Variants in BBX observed in about 807,000 individuals in gnomAD.
The protein encoded by BBX is BBX high mobility group box domain containing, also known as HMG box transcription factor BBX.
BBX carries 30 observed loss-of-function variants against 100.2 expected under a neutral mutation model. The ratio of observed to expected loss-of-function variants is 0.30; its 90% CI spans 0.22 to 0.41. The LOEUF is 0.41. Ranked by LOEUF, BBX falls within the 10% of genes least tolerant of loss-of-function variation. The pLI is 1.00. For missense variants in BBX, 1,023 were observed against 1,129.8 expected (o/e 0.91, Z 1.35); for synonymous variants, 376 against 388.1 (o/e 0.97, Z 0.37).
At position 107,532,459 on chromosome 3, in the gene BBX, C is replaced by A. The variant is rs1307796528; in HGVS notation, c.-84+6061C>A. Reference sequence around the variant, plus strand: ...TTTAATTGTTCTAATTGGGGTGTTCCTCATAAACAAAACCCATCCTTGTGT... The same window carrying A: ...TTTAATTGTTCTAATTGGGGTGTTCATCATAAACAAAACCCATCCTTGTGT... On this transcript the variant is annotated intron_variant, in intron 2 of 17. Coordinates refer to ENST00000325805, the MANE Select transcript of BBX (RefSeq NM_001142568.3). Among the ~76,000 whole-genome samples the A allele has an allele frequency of 2.0e-5, 3 of 152,168 alleles. No homozygotes were observed. The East Asian group carries it at 5.8e-4, about 29-fold the overall frequency.
chr3:107,605,752 C>T (rs951140569), intron 2 of BBX, among the ~76,000 whole-genome samples: 15 of 152,134 alleles, frequency 9.9e-5, no homozygotes, highest in Admixed American at 9.2e-4. Context: ...AATGGAAGCA[C>T]AGGAAGTGAA....
intron 3 of BBX, among the ~76,000 whole-genome samples, chr3:107,690,989 T>A (rs1461114686): frequency 1.5e-5 from 2 of 135,144 alleles, no homozygotes; most frequent in East Asian, 4.9e-4. Flanking sequence ...ACCCTCTACC[T>A]CCTGGCTCCA....
chr3:107,577,781 G>A (rs28513882), intron 2 of BBX, among the ~76,000 whole-genome samples: 20,305 of 152,156 alleles, frequency 0.13, 1,594 homozygotes, highest in Middle Eastern at 0.2. Context: ...TGAACAAAGG[G>A]TAGATAAGTA....
intron 2 of BBX, among the ~76,000 whole-genome samples, chr3:107,610,628 T>G (rs957159730): frequency 4.6e-5 from 7 of 152,124 alleles, no homozygotes; most frequent in African/African-American, 1.7e-4. Context: ...AGTTTTGGTC[T>G]TGAATACTAT....
rs771979020 is a variant in BBX, at chr3:107,810,044, C to G, written c.*4587C>G. The G allele has an allele frequency of 7.2e-5, 11 of 152,056 alleles. No individual in the cohort carries two copies. The highest frequency in any genetic ancestry group is 1.6e-4 in the Non-Finnish European group (11 of 68,010). 9.4% of individuals were successfully genotyped at this position (152,056 alleles called of 1,614,324 possible). ...AAGTGATAGCTAAGTTTATTATACT[C>G]TATATTAAACAACTTTGTTCATTTC... On this transcript the variant is annotated 3_prime_UTR_variant, in exon 18 of 18. Coordinates refer to ENST00000325805, the MANE Select transcript of BBX (RefSeq NM_001142568.3).
intron 3 of BBX, among the ~76,000 whole-genome samples, chr3:107,694,145 G>A (rs1411677472): frequency 7.6e-5 from 9 of 117,952 alleles, no homozygotes; most frequent in African/African-American, 2.8e-4. Context: ...TGCAAACAGG[G>A]ACAATTTGAC....
chr3:107,534,270 T>C (rs557499422), intron 2 of BBX, among the ~76,000 whole-genome samples: 2 of 152,334 alleles, frequency 1.3e-5, no homozygotes, highest in South Asian at 4.2e-4. Flanking sequence ...AATGCTGGCT[T>C]GTTTTTCAGC....
chr3:107,735,132 T>G (rs2063556134), intron 7 of BBX, among the ~76,000 whole-genome samples: 1 of 152,132 alleles, frequency 6.6e-6, no homozygotes, highest in South Asian at 2.1e-4. Flanking sequence ...AATAATGCTG[T>G]CTCTAAATAT....
chr3:107,619,425 A>G (rs1045259715), intron 2 of BBX, among the ~76,000 whole-genome samples: 3 of 152,112 alleles, frequency 2.0e-5, no homozygotes, highest in African/African-American at 7.2e-5. Context: ...GCTTTCTTTA[A>G]CACATTTAGA....
intron 10 of BBX, among the ~76,000 whole-genome samples, chr3:107,762,010 A>G (rs1358683784): frequency 6.6e-6 from 1 of 152,162 alleles, no homozygotes; most frequent in Non-Finnish European, 1.5e-5. Context: ...AATGAATTCT[A>G]ATACTTAAAA....
intron 3 of BBX, among the ~76,000 whole-genome samples, chr3:107,650,989 G>T (rs1291206397): frequency 1.3e-5 from 2 of 152,110 alleles, no homozygotes; most frequent in Admixed American, 6.5e-5. Flanking sequence ...CCTCTGTGTA[G>T]GCAGCGAGCT....
intron 4 of BBX, among the ~76,000 whole-genome samples, chr3:107,713,426 C>T (rs979892135): frequency 6.6e-6 from 1 of 152,174 alleles, no homozygotes; most frequent in African/African-American, 2.4e-5. Flanking sequence ...ACTCATGGCT[C>T]TCCATTACAT....
chr3:107,689,514 C>T (rs773489960), intron 3 of BBX, among the ~76,000 whole-genome samples: 18 of 152,168 alleles, frequency 1.2e-4, no homozygotes, highest in Non-Finnish European at 2.4e-4. Context: ...GCAGCACTCA[C>T]GGGCTGTCAG....
chr3:107,616,718 G>T (rs1314194339), intron 2 of BBX, among the ~76,000 whole-genome samples: 1 of 151,994 alleles, frequency 6.6e-6, no homozygotes, highest in African/African-American at 2.4e-5. Flanking sequence ...AATTGTTCAT[G>T]TATTTTCTCC....
intron 10 of BBX, among the ~76,000 whole-genome samples, chr3:107,766,945 C>T (rs1367543570): frequency 6.6e-6 from 1 of 152,160 alleles, no homozygotes; most frequent in Non-Finnish European, 1.5e-5. Context: ...AGCAACCTAA[C>T]ACAGGAACAG....
At chr3:107,792,186 C>T (rs1346982237) in intron 15 of BBX, among the ~76,000 whole-genome samples, 1 of 152,362 alleles carries the variant, frequency 6.6e-6, no homozygotes, top group East Asian at 1.9e-4. Flanking sequence ...GAGGCCACCT[C>T]TCCCTTCTTC....
At chr3:107,741,357 A>G (rs1410590526) in intron 7 of BBX, among the ~76,000 whole-genome samples, 1 of 152,198 alleles carries the variant, frequency 6.6e-6, no homozygotes, top group African/African-American at 2.4e-5. Context: ...TCTTAATTAT[A>G]CTAATCACTC....
intron 2 of BBX, among the ~76,000 whole-genome samples, chr3:107,621,995 A>C (rs1559884684): frequency 6.6e-6 from 1 of 152,166 alleles, no homozygotes; most frequent in Non-Finnish European, 1.5e-5. Flanking sequence ...CATTCTGTGA[A>C]GTTTAAAACA....
intron 10 of BBX, among the ~76,000 whole-genome samples, chr3:107,768,306 T>C (rs941683277): frequency 6.6e-6 from 1 of 152,230 alleles, no homozygotes; most frequent in African/African-American, 2.4e-5. Context: ...GTTGGCATGC[T>C]GTATCCAGAT....
Sources: allele counts gnomAD v4.1 joint callset (sites outside exome capture counted in the v4.1 genomes callset), GRCh38; gene constraint gnomAD v4.1.1; transcripts MANE v1.5; gene names NCBI Gene and HGNC (gene_info 2026-07-23, HGNC 2026-07-21).